Variants in NDUFAF2 observed in about 807,000 individuals in gnomAD.
The protein encoded by NDUFAF2 is NADH dehydrogenase [ubiquinone] 1 alpha subcomplex assembly factor 2.
In NDUFAF2, 13 loss-of-function variants were observed where a neutral mutation model predicts 22.8. That is an observed-to-expected ratio of 0.57 (90% confidence interval 0.37 to 0.91). NDUFAF2 has a LOEUF of 0.91. Ranked by LOEUF, NDUFAF2 falls within the 40% of genes least tolerant of loss-of-function variation. The pLI, the probability that NDUFAF2 is intolerant of heterozygous loss-of-function variation, is 0.01. For synonymous variants in NDUFAF2, 53 were observed against 64.2 expected (o/e 0.83, Z 0.84); for missense variants, 162 against 195.2 (o/e 0.83, Z 1.01).
intron 2 of NDUFAF2, among the ~76,000 whole-genome samples, chr5:61,076,905 CAT>C (rs1752378071): frequency 6.6e-6 from 1 of 152,088 alleles, no homozygotes; most frequent in Non-Finnish European, 1.5e-5. Context: ...GATTTGATGA[CAT>C]ATTGGATGTG....
At chr5:61,103,488 A>G (rs7704819) in intron 3 of NDUFAF2, among the ~76,000 whole-genome samples, 1,537 of 152,194 alleles carry the variant, frequency 0.01, 25 homozygotes, top group African/African-American at 0.034. Context: ...TTTAAGTTCA[A>G]TATTAAAATT....
intron 1 of NDUFAF2, among the ~76,000 whole-genome samples, chr5:61,032,605 C>T (rs888765562): frequency 1.3e-5 from 2 of 152,088 alleles, no homozygotes; most frequent in African/African-American, 4.8e-5. Flanking sequence ...GGTACCAGTA[C>T]CATGATGTTT....
chr5:61,069,302 G>A (rs1265990010), intron 1 of NDUFAF2, among the ~76,000 whole-genome samples: 1 of 152,076 alleles, frequency 6.6e-6, no homozygotes, highest in Admixed American at 6.6e-5. Flanking sequence ...CCTGCTGGTT[G>A]TATTGGTTTC....
intron 2 of NDUFAF2, among the ~76,000 whole-genome samples, chr5:61,097,249 A>G (rs925754565): frequency 1.3e-5 from 2 of 150,932 alleles, no homozygotes; most frequent in African/African-American, 2.4e-5. Flanking sequence ...TAAGCCTATC[A>G]TATGTTGAAA....
In NDUFAF2 at chr5:61,060,994, C is replaced by T. The variant is rs1318069585; in HGVS notation, c.128-12131C>T. Among the ~76,000 whole-genome samples the T allele has an allele frequency of 2.0e-5, 3 of 152,100 alleles. 1 individual carries two copies. The highest frequency in any genetic ancestry group is 4.1e-4 in the South Asian group (2 of 4,822). On this transcript the variant is annotated intron_variant, in intron 1 of 3. Transcript: ENST00000296597. ...ATAGTGGCTCAGGAAAGGAGAGATG[C>T]CTGAGTCTGCTGTTTCATTCTTAGG... is the stretch of plus-strand genomic sequence containing the variant.
chr5:61,077,254 A>G (rs1475914289), intron 2 of NDUFAF2, among the ~76,000 whole-genome samples: 1 of 152,206 alleles, frequency 6.6e-6, no homozygotes, highest in Non-Finnish European at 1.5e-5. Context: ...AGAAATTCAA[A>G]CACTGACCCT....
intron 1 of NDUFAF2, among the ~76,000 whole-genome samples, chr5:61,052,888 G>A (rs34640): frequency 0.13 from 20,039 of 152,146 alleles, 1,660 homozygotes; most frequent in South Asian, 0.2. Flanking sequence ...CATATTTGTG[G>A]TAGAGACCAC....
intron 1 of NDUFAF2, among the ~76,000 whole-genome samples, chr5:60,951,046 T>C (rs1750538847): frequency 6.6e-6 from 1 of 152,116 alleles, no homozygotes; most frequent in African/African-American, 2.4e-5. Flanking sequence ...TTATTTATTT[T>C]TGAGACAGAG....
At chr5:61,131,599 G>A (rs1458319763) in intron 3 of NDUFAF2, among the ~76,000 whole-genome samples, 1 of 152,030 alleles carries the variant, frequency 6.6e-6, no homozygotes, top group African/African-American at 2.4e-5. Context: ...ATCTATAGGG[G>A]ATTGAACGAA....
At chr5:61,046,091 A>G (rs1751951216) in intron 1 of NDUFAF2, among the ~76,000 whole-genome samples, 1 of 152,136 alleles carries the variant, frequency 6.6e-6, no homozygotes, top group African/African-American at 2.4e-5. Context: ...TTTAGCCATC[A>G]TTCTGTTAAT....
chr5:60,967,721 A>G (rs550343411), intron 1 of NDUFAF2, among the ~76,000 whole-genome samples: 1 of 151,626 alleles, frequency 6.6e-6, no homozygotes, highest in Non-Finnish European at 1.5e-5. Context: ...GATCTTTTTA[A>G]TGTACCCTTG....
intron 1 of NDUFAF2, among the ~76,000 whole-genome samples, chr5:61,045,022 T>TATTAAATTTTAATCTA (rs1554081090): frequency 3.9e-5 from 5 of 128,088 alleles, no homozygotes; most frequent in Non-Finnish European, 1.7e-5. Context: ...GTATTAAATT[T>TATTAAATTTTAATCTA]ATTAAATTTT....
chr5:60,990,484 G>A (rs922815292), intron 1 of NDUFAF2, among the ~76,000 whole-genome samples: 11 of 152,056 alleles, frequency 7.2e-5, no homozygotes, highest in Non-Finnish European at 1.6e-4. Flanking sequence ...AAATGTAGAA[G>A]TAGAATATAT....
intron 3 of NDUFAF2, among the ~76,000 whole-genome samples, chr5:61,103,930 A>G (rs1368432212): frequency 6.6e-6 from 1 of 152,124 alleles, no homozygotes; most frequent in African/African-American, 2.4e-5. Context: ...ACAGTATTCA[A>G]TAAATTACAT....
rs531123750 is a variant in NDUFAF2, at chr5:60,954,420, TC to T, written c.127+9040del. Among the ~76,000 whole-genome samples the T allele has an allele frequency of 5.0e-3, 765 of 152,248 alleles. 10 individuals are homozygous for T. The highest frequency in any genetic ancestry group is 0.018 in the African/African-American group (748 of 41,536). On this transcript the variant is annotated intron_variant, in intron 1 of 3. Coordinates refer to ENST00000296597, the MANE Select transcript of NDUFAF2 (RefSeq NM_174889.5). ...TTAGAGCACAATAGGTATTGTTGTGTCCTAAATCACATTCCAGTTGTCTCTA... is the reference window on the plus strand; with the variant it reads ...TTAGAGCACAATAGGTATTGTTGTGTCTAAATCACATTCCAGTTGTCTCTA...
At chr5:61,092,884 TCA>T (rs986065926) in intron 2 of NDUFAF2, among the ~76,000 whole-genome samples, 88 of 152,212 alleles carry the variant, frequency 5.8e-4, no homozygotes, top group African/African-American at 2.0e-3. Context: ...GAGAATTGAC[TCA>T]CACGATCACA....
At chr5:61,035,498 G>A (rs1004691510) in intron 1 of NDUFAF2, among the ~76,000 whole-genome samples, 18 of 132,706 alleles carry the variant, frequency 1.4e-4, no homozygotes, top group African/African-American at 5.0e-4. Flanking sequence ...AACCAAGATG[G>A]TATTAAACAT....
chr5:61,112,785 G>A (rs1470047462), intron 3 of NDUFAF2, among the ~76,000 whole-genome samples: 2 of 151,124 alleles, frequency 1.3e-5, no homozygotes, highest in African/African-American at 4.9e-5. Flanking sequence ...TTGACATTTT[G>A]TTGTTTCATG....
At chr5:61,083,404 T>C (rs544901085) in intron 2 of NDUFAF2, 1 of 152,140 alleles carries the variant, frequency 6.6e-6, no homozygotes, top group Non-Finnish European at 1.5e-5. Context: ...AGAGTTTTCA[T>C]TCCCCATTGT....
Sources: allele counts gnomAD v4.1 joint callset (sites outside exome capture counted in the v4.1 genomes callset), GRCh38; gene constraint gnomAD v4.1.1; transcripts MANE v1.5; gene names NCBI Gene and HGNC (gene_info 2026-07-23, HGNC 2026-07-21).